The following IQCH variants were observed in gnomAD, a reference collection of about 807,000 sequenced individuals.
The protein encoded by IQCH is IQ motif containing H.
Under a neutral mutation model 117.0 loss-of-function variants are expected in IQCH, and 98 were observed. That is an observed-to-expected ratio of 0.84 (90% CI 0.71 to 0.99). IQCH has a LOEUF of 0.99. IQCH is among the 50% of genes least tolerant of loss of function. The pLI, the probability that IQCH is intolerant of heterozygous loss-of-function variation, is 0.00. For missense variants in IQCH, 1,102 were observed against 1,243.8 expected, an observed-to-expected ratio of 0.89 and a Z score of 1.72; for synonymous variants, 412 against 448.2, an observed-to-expected ratio of 0.92 and a Z score of 1.02.
At position 67,381,230 on chromosome 15, in the gene IQCH, A is replaced by G. The variant is rs12164949; in HGVS notation, c.1373-3706A>G. On this transcript the variant is annotated intron_variant, in intron 10 of 20. Transcript: ENST00000335894. The surrounding 1 kb of genome is among the most constrained non-coding windows in gnomAD (Gnocchi z 5.1). ...TCATCTGATAGATGTTTATGCAGAAAGGGACTGGGAAAGGCTGTGAAGGTA... is the reference window on the plus strand; with the variant it reads ...TCATCTGATAGATGTTTATGCAGAAGGGGACTGGGAAAGGCTGTGAAGGTA... Among the ~76,000 whole-genome samples the G allele has an allele frequency of 0.53, 80,585 of 152,030 alleles. 21,775 individuals carry two copies. Among genetic ancestry groups the G allele is most frequent in the East Asian group, 0.79 (4,104 of 5,168 alleles).
At chr15:67,358,207 C>CTTTTTTTTTTTTTTTTTTTTTTTT (rs71142373) in intron 7 of IQCH, among the ~76,000 whole-genome samples, 196 of 10,452 alleles carry the variant, frequency 0.019, 88 homozygotes, top group Middle Eastern at 1. Context: ...ACTTTCTTTT[C>CTTTTTTTTTTTTTTTTTTTTTTTT]TTTTTTTTTT....
rs942334275 is a variant in IQCH at position 67,464,974 on chromosome 15, T to C, written c.2506-153T>C. 2.6e-5 allele frequency among the ~76,000 whole-genome samples: 4 copies of C among 152,306 alleles called. No individual in the cohort carries two copies. In the South Asian group the frequency reaches 6.2e-4, roughly 24 times the overall value. On this transcript the variant is annotated intron_variant, in intron 16 of 20. Coordinates refer to ENST00000335894, the MANE Select transcript of IQCH (RefSeq NM_001031715.3). ...CAGACTCCATCTCTCAGTTGAACAATGTACAAACAGAAGGAAAAACATCTA... is the reference window on the plus strand; with the variant it reads ...CAGACTCCATCTCTCAGTTGAACAACGTACAAACAGAAGGAAAAACATCTA...
chr15:67,360,539 C>T (rs1255913085), intron 8 of IQCH, among the ~76,000 whole-genome samples: 5 of 152,190 alleles, frequency 3.3e-5, no homozygotes, highest in Admixed American at 6.5e-5. Context: ...TCACTTTCCT[C>T]CTCTGACAAA....
At position 67,359,468 on chromosome 15, in the gene IQCH, G is replaced by A. The variant is rs114515671; in HGVS notation, c.715-379G>A. ...GTGTCCTGGGCATGGAAGTTAAAAG[G>A]CTAAGAGAAGGACTTCAGTATGCCA... is the stretch of plus-strand genomic sequence containing the variant. On this transcript the variant is annotated intron_variant, in intron 7 of 20. Coordinates refer to ENST00000335894, the MANE Select transcript of IQCH (RefSeq NM_001031715.3). The surrounding 1 kb of genome is among the most constrained non-coding windows in gnomAD (Gnocchi z 4.5). Among the ~76,000 whole-genome samples, 14 of 152,274 alleles carry A rather than the reference G, an allele frequency of 9.2e-5. No homozygotes were observed. Among genetic ancestry groups the A allele is most frequent in the African/African-American group, 2.4e-4 (10 of 41,548 alleles).
intron 20 of IQCH, among the ~76,000 whole-genome samples, chr15:67,497,721 ACCT>A (rs564969703): frequency 5.3e-4 from 80 of 151,976 alleles, no homozygotes; most frequent in Non-Finnish European, 6.2e-4. Flanking sequence ...CGAACTCCTG[ACCT>A]CGTGATCCGC....
Position 67,425,469 on chromosome 15 carries a change from G to A in IQCH, c.2505+3892G>A, listed in dbSNP as rs1431245918. ...TCTACTAAAAATACAAAAATTAGCT[G>A]GGCGTGGTGGCATGTGCCTGTAGTC... On this transcript the variant is annotated intron_variant, in intron 16 of 20. Transcript: ENST00000335894. This position sits in a 1 kb window ranked among gnomAD's most constrained non-coding sequence, Gnocchi z 5.5. 6.6e-6 allele frequency among the ~76,000 whole-genome samples: 1 copy of A among 152,094 alleles called. No homozygotes were observed. Among genetic ancestry groups the A allele is most frequent in the Non-Finnish European group, 1.5e-5 (1 of 68,020 alleles).
Position 67,356,092 on chromosome 15 carries a change from A to G in IQCH, c.638-1253A>G, listed in dbSNP as rs1969880464. 6.6e-6 allele frequency among the ~76,000 whole-genome samples: 1 copy of G among 152,222 alleles called. No homozygotes were observed. Among genetic ancestry groups the G allele is most frequent in the South Asian group, 2.1e-4 (1 of 4,832 alleles). On this transcript the variant is annotated intron_variant, in intron 6 of 20. Coordinates refer to ENST00000335894, the MANE Select transcript of IQCH (RefSeq NM_001031715.3). The surrounding 1 kb of genome is among the most constrained non-coding windows in gnomAD (Gnocchi z 5.3). ...GAGTCTGCAGACAATAGGAATAACA[A>G]ATTTTACTGGTGAATCTGTGGATTC...
chr15:67,392,172 T>C (rs764838718), intron 12 of IQCH, among the ~76,000 whole-genome samples: 1 of 152,170 alleles, frequency 6.6e-6, no homozygotes, highest in Admixed American at 6.5e-5. Context: ...TTCAGTGACA[T>C]GTGGATCAAA....
Position 67,457,695 on chromosome 15 carries a change from A to T in IQCH, c.2506-7432A>T, listed in dbSNP as rs1308916670. On this transcript the variant is annotated intron_variant, in intron 16 of 20. Transcript: ENST00000335894. The surrounding 1 kb of genome is among the most constrained non-coding windows in gnomAD (Gnocchi z 5.7). ...GATCCCATCAGGCCTATATTAATAG[A>T]CAAGGAAATAGGCCCAGAGAGGGGA... Among the ~76,000 whole-genome samples the T allele has an allele frequency of 6.6e-6, 1 of 152,210 alleles. No homozygotes were observed. The highest frequency in any genetic ancestry group is 1.5e-5 in the Non-Finnish European group (1 of 68,036).
chr15:67,334,616 T>C (rs921767365), intron 4 of IQCH, among the ~76,000 whole-genome samples: 4 of 152,160 alleles, frequency 2.6e-5, no homozygotes, highest in Admixed American at 2.0e-4. Context: ...CTAGAAATAC[T>C]GAGGCCCAGG....
chr15:67,420,930 C>T (rs1200401315), intron 15 of IQCH, among the ~76,000 whole-genome samples: 5 of 152,128 alleles, frequency 3.3e-5, no homozygotes, highest in Non-Finnish European at 4.4e-5. Flanking sequence ...GACTATGGGC[C>T]GTTAATTCCC....
chr15:67,434,785 C>T (rs199995746), intron 16 of IQCH, among the ~76,000 whole-genome samples: 15,114 of 126,386 alleles, frequency 0.12, 996 homozygotes, highest in East Asian at 0.19. Context: ...CTTTTCTTTT[C>T]TTTTTTTTTT....
rs1337588555 is a variant in IQCH at position 67,401,676 on chromosome 15, T to G, written c.2097+1371T>G. Among the ~76,000 whole-genome samples, 1 of 152,210 alleles carries G rather than the reference T, an allele frequency of 6.6e-6. No individual in the cohort carries two copies. Among genetic ancestry groups the G allele is most frequent in the African/African-American group, 2.4e-5 (1 of 41,454 alleles). On this transcript the variant is annotated intron_variant, in intron 14 of 20. Coordinates refer to ENST00000335894, the MANE Select transcript of IQCH (RefSeq NM_001031715.3). This position sits in a 1 kb window ranked among gnomAD's most constrained non-coding sequence, Gnocchi z 4.7. ...TGTGACTGGTTTCCCCATGATCTAT[T>G]CTGGGCTTCGTTTCTCCCCTCCATC...
intron 4 of IQCH, among the ~76,000 whole-genome samples, chr15:67,310,276 G>A (rs921279369): frequency 2.6e-5 from 4 of 151,958 alleles, no homozygotes; most frequent in Non-Finnish European, 4.4e-5. Context: ...TCATTTGATC[G>A]TCAGTGGGTT....
In IQCH at chr15:67,465,051, C is replaced by T. The variant is rs779004778; in HGVS notation, c.2506-76C>T. On this transcript the variant is annotated intron_variant, in intron 16 of 20. Transcript: ENST00000335894. The surrounding 1 kb of genome is among the most constrained non-coding windows in gnomAD (Gnocchi z 5.9). ...TTCACTTAGTCTGATGTAGTTTGGT[C>T]TGGTTAGGCAGAGGTGGGGCCTTCG... The T allele has an allele frequency of 2.0e-5, 29 of 1,431,942 alleles. No individual in the cohort carries two copies. The highest frequency in any genetic ancestry group is 2.7e-5 in the Non-Finnish European group (28 of 1,037,106). 88.7% of individuals were successfully genotyped at this position (1,431,942 alleles called of 1,614,324 possible).
At chr15:67,281,642 A>G (rs962076726) in intron 4 of IQCH, 1 of 453,044 alleles carries the variant, frequency 2.2e-6, no homozygotes, top group Non-Finnish European at 4.4e-6. Flanking sequence ...AAATGACTGG[A>G]AAGGGGAGGC....
At chr15:67,260,582 G>T (rs967230296) in intron 1 of IQCH, among the ~76,000 whole-genome samples, 10 of 152,038 alleles carry the variant, frequency 6.6e-5, no homozygotes, top group African/African-American at 2.2e-4. Flanking sequence ...TTTGCTGGAA[G>T]TTTTTTGTTT....
Position 67,395,961 on chromosome 15 carries a change from C to T in IQCH, c.1905+398C>T, listed in dbSNP as rs570353290. On this transcript the variant is annotated intron_variant, in intron 13 of 20. Coordinates refer to ENST00000335894, the MANE Select transcript of IQCH (RefSeq NM_001031715.3). This position sits in a 1 kb window ranked among gnomAD's most constrained non-coding sequence, Gnocchi z 4.0. Reference sequence around the variant, plus strand: ...CTGGGATTACCAGCGTGAGCCACTACGCCCAGCCTGAGGGAATCTACTTTA... The same window carrying T: ...CTGGGATTACCAGCGTGAGCCACTATGCCCAGCCTGAGGGAATCTACTTTA... 6.6e-5 allele frequency among the ~76,000 whole-genome samples: 10 copies of T among 152,148 alleles called. No homozygotes were observed. In the South Asian group the frequency reaches 1.0e-3, roughly 16 times the overall value.
Position 67,395,006 on chromosome 15 carries a change from C to A in IQCH, c.1633-285C>A, listed in dbSNP as rs1265967605. Among the ~76,000 whole-genome samples, 1 of 152,080 alleles carries A rather than the reference C, an allele frequency of 6.6e-6. No homozygotes were observed. The highest frequency in any genetic ancestry group is 1.5e-5 in the Non-Finnish European group (1 of 68,010). On this transcript the variant is annotated intron_variant, in intron 12 of 20. Coordinates refer to ENST00000335894, the MANE Select transcript of IQCH (RefSeq NM_001031715.3). This position sits in a 1 kb window ranked among gnomAD's most constrained non-coding sequence, Gnocchi z 4.0. ...CTTGCTATTACCCAAAGGCCGCCAG[C>A]CTCTTTTCCTTCTGACAGAAGGATA...
Sources: gnomAD v4.1 joint callset for allele counts (sites outside exome capture counted in the v4.1 genomes callset) on GRCh38, gnomAD v4.1.1 for gene constraint, Gnocchi (gnomAD v3.1) non-coding constraint, MANE v1.5 for transcripts, NCBI Gene and HGNC (gene_info 2026-07-23, HGNC 2026-07-21) for gene names.